TNR: variants seen among roughly 807,000 people sequenced by gnomAD.
TNR encodes tenascin-R.
A neutral mutation model predicts 150.4 loss-of-function variants in TNR; 45 were observed. The observed-to-expected ratio is 0.30, with a 90% CI of 0.24 to 0.38. The LOEUF (loss-of-function observed/expected upper bound fraction) is 0.38, where lower values mean the gene tolerates loss of function less well. Ranked by LOEUF, TNR falls within the 10% of genes least tolerant of loss-of-function variation. TNR has a pLI of 1.00. For missense variants in TNR, 1,544 were observed against 1,759.1 expected (o/e 0.88, Z 2.19); for synonymous variants, 687 against 678.4 (o/e 1.01, Z -0.20).
rs558002529 is a variant in TNR, at chr1:175,551,009, T to A, written c.-164-22640A>T. ...GGAAAGAAAAGATAAGAAAATTAGG[T>A]GATCCATCCCTGGAGGTCCAACTTC... On this transcript the variant is annotated intron_variant, in intron 1 of 22. Coordinates refer to ENST00000367674, the MANE Select transcript of TNR (RefSeq NM_003285.3). 5.0e-4 allele frequency among the ~76,000 whole-genome samples: 76 copies of A among 152,246 alleles called. 2 individuals carry two copies. The South Asian group carries it at 0.015, about 31-fold the overall frequency.
At chr1:175,363,382 C>A (rs1651687900) in intron 13 of TNR, among the ~76,000 whole-genome samples, 1 of 152,220 alleles carries the variant, frequency 6.6e-6, no homozygotes, top group Non-Finnish European at 1.5e-5. Flanking sequence ...GAACTTCATT[C>A]TTGTAGGAAT....
At chr1:175,540,775 C>G (rs1208966223) in intron 1 of TNR, among the ~76,000 whole-genome samples, 3 of 152,154 alleles carry the variant, frequency 2.0e-5, no homozygotes, top group Non-Finnish European at 4.4e-5. Context: ...TACCTCCTTT[C>G]TCCTCACTGG....
intron 1 of TNR, among the ~76,000 whole-genome samples, chr1:175,691,209 G>C (rs1216575236): frequency 1.7e-5 from 1 of 59,302 alleles, no homozygotes; most frequent in Non-Finnish European, 3.6e-5. Context: ...TGCAGAGCAG[G>C]ATGGGAAACG....
At chr1:175,678,300 G>C (rs1468463884) in intron 1 of TNR, among the ~76,000 whole-genome samples, 1 of 152,106 alleles carries the variant, frequency 6.6e-6, no homozygotes, top group African/African-American at 2.4e-5. Context: ...TGGGTAGAGG[G>C]GGCACGTGTT....
chr1:175,406,280 C>G lies in TNR; in HGVS notation c.435G>C (p.Glu145Asp). 1 of 1,614,216 alleles carries G rather than the reference C, an allele frequency of 6.2e-7. No individual in the cohort carries two copies. Among genetic ancestry groups the G allele is most frequent in the Non-Finnish European group, 8.5e-7 (1 of 1,180,040 alleles). ...GGTCTCGCAGCACCGACACCTCCCTCTCCAGCATCTCGATCCGGCTCAGCA... is the reference window on the plus strand; with the variant it reads ...GGTCTCGCAGCACCGACACCTCCCTGTCCAGCATCTCGATCCGGCTCAGCA... ...QELLSRIEML[E>D]REVSVLRDQC... is the part of the protein sequence containing the mutation. Residue 145 changes from glutamate to aspartate, a missense_variant, in exon 3 of 23, where the codon GAG (glutamate) becomes GAC (aspartate). Glu to Asp is a conservative substitution (Grantham distance 45). Coordinates refer to ENST00000367674, the MANE Select transcript of TNR (RefSeq NM_003285.3).
At chr1:175,597,179 G>A (rs10913028) in intron 1 of TNR, among the ~76,000 whole-genome samples, 28,492 of 152,152 alleles carry the variant, frequency 0.19, 4,276 homozygotes, top group African/African-American at 0.42. Context: ...CGAGGCAGGT[G>A]ATGACAAGAG....
chr1:175,505,887 A>C (rs1341131002), intron 2 of TNR, among the ~76,000 whole-genome samples: 2 of 68,410 alleles, frequency 2.9e-5, no homozygotes, highest in African/African-American at 1.2e-4. Context: ...CTAAAAATAC[A>C]AAAATTAGCC....
chr1:175,649,019 T>C (rs1022831957), intron 1 of TNR, among the ~76,000 whole-genome samples: 31 of 152,298 alleles, frequency 2.0e-4, no homozygotes, highest in African/African-American at 7.5e-4. Context: ...CTGACCTCTA[T>C]GACCTTGATT....
intron 9 of TNR, among the ~76,000 whole-genome samples, chr1:175,372,537 A>G (rs1652155366): frequency 6.6e-6 from 1 of 152,380 alleles, no homozygotes; most frequent in Non-Finnish European, 1.5e-5. Flanking sequence ...TAGATTAATT[A>G]GGGCTAGAAA....
rs73035445 is a variant in TNR, at chr1:175,698,377, T to A, written c.-165+44849A>T. Among the ~76,000 whole-genome samples, 1,279 of 152,086 alleles carry A rather than the reference T, an allele frequency of 8.4e-3. 14 individuals are homozygous for A. The highest frequency in any genetic ancestry group is 0.024 in the African/African-American group (998 of 41,484). ...GAGCAGACGTGAAGGAACCGAGGAA[T>A]TCAGCAGTGGGGAAAGAGGGCTCTA... is the stretch of plus-strand genomic sequence containing the variant. On this transcript the variant is annotated intron_variant, in intron 1 of 22. Coordinates refer to ENST00000367674, the MANE Select transcript of TNR (RefSeq NM_003285.3).
intron 1 of TNR, among the ~76,000 whole-genome samples, chr1:175,679,158 G>T (rs1456225681): frequency 6.6e-6 from 1 of 152,274 alleles, no homozygotes; most frequent in African/African-American, 2.4e-5. Flanking sequence ...TCAGGGTAAA[G>T]TACAGGAGGG....
intron 1 of TNR, among the ~76,000 whole-genome samples, chr1:175,631,417 C>T (rs1179773249): frequency 6.6e-6 from 1 of 152,204 alleles, no homozygotes; most frequent in Non-Finnish European, 1.5e-5. Flanking sequence ...TGGCCCAGGA[C>T]AGTTTTGAAT....
intron 1 of TNR, among the ~76,000 whole-genome samples, chr1:175,528,965 T>G (rs1293514711): frequency 6.6e-6 from 1 of 152,200 alleles, no homozygotes; most frequent in African/African-American, 2.4e-5. Flanking sequence ...AAGGAATAAA[T>G]GCATGCAAAA....
intron 5 of TNR, among the ~76,000 whole-genome samples, chr1:175,394,415 T>C (rs1653327272): frequency 6.6e-6 from 1 of 152,218 alleles, no homozygotes; most frequent in Non-Finnish European, 1.5e-5. Flanking sequence ...AGTGATTTCC[T>C]TGATCATCTG....
chr1:175,653,727 A>G (rs1665073691), intron 1 of TNR, among the ~76,000 whole-genome samples: 1 of 152,234 alleles, frequency 6.6e-6, no homozygotes, highest in African/African-American at 2.4e-5. Flanking sequence ...AGTCAAAAGA[A>G]TTGGCACTGT....
intron 8 of TNR, among the ~76,000 whole-genome samples, chr1:175,381,325 T>C (rs992789182): frequency 1.3e-5 from 2 of 152,216 alleles, no homozygotes; most frequent in Admixed American, 6.5e-5. Flanking sequence ...AGGTTGAGAC[T>C]TCTACCTAGT....
chr1:175,490,623 T>C (rs1290366149), intron 2 of TNR, among the ~76,000 whole-genome samples: 1 of 152,034 alleles, frequency 6.6e-6, no homozygotes, highest in Non-Finnish European at 1.5e-5. Context: ...GAAGAAAACC[T>C]CAACATCACT....
intron 1 of TNR, among the ~76,000 whole-genome samples, chr1:175,554,504 T>G (rs550389051): frequency 1.3e-5 from 2 of 152,344 alleles, no homozygotes; most frequent in East Asian, 3.9e-4. Flanking sequence ...AGGGTTCTAT[T>G]TGTTTGGAAA....
intron 2 of TNR, among the ~76,000 whole-genome samples, chr1:175,416,210 C>A (rs1337003681): frequency 6.6e-6 from 1 of 151,946 alleles, no homozygotes; most frequent in Non-Finnish European, 1.5e-5. Context: ...TGTATATGAT[C>A]CCATTTAATC....
Sources: allele counts gnomAD v4.1 joint callset (sites outside exome capture counted in the v4.1 genomes callset), GRCh38; gene constraint gnomAD v4.1.1; transcripts MANE v1.5; gene names NCBI Gene and HGNC (gene_info 2026-07-23, HGNC 2026-07-21).